Variants in COL4A2 observed in about 807,000 individuals in gnomAD.
COL4A2 encodes collagen type IV alpha 2 chain.
A neutral mutation model predicts 200.2 loss-of-function variants in COL4A2; 99 were observed. The ratio of observed to expected loss-of-function variants is 0.49; its 90% CI spans 0.42 to 0.58. The LOEUF (loss-of-function observed/expected upper bound fraction) is 0.58. COL4A2 is among the 20% of genes least tolerant of loss of function. The pLI is 0.00. For synonymous variants in COL4A2, 897 were observed against 900.6 expected (o/e 1.00, Z 0.07); for missense variants, 1,950 against 2,314.1 (o/e 0.84, Z 3.23).
chr13:110,350,825 G>A (rs1225844668), intron 3 of COL4A2, among the ~76,000 whole-genome samples: 2 of 152,226 alleles, frequency 1.3e-5, no homozygotes, highest in Admixed American at 6.5e-5. Flanking sequence ...CAGCACACTT[G>A]CCATGGCGGG....
chr13:110,430,376 CTTAAAA>C lies in COL4A2; in HGVS notation c.550-21_550-16del. ...CTAAAGATGGTTAAAAGCTATCACT[CTTAAAA>C]TTATTTCTTCTCCATTAGGGTGAAC... is the stretch of plus-strand genomic sequence containing the variant. On this transcript the variant is annotated intron_variant, in intron 8 of 47. Coordinates refer to ENST00000360467, the MANE Select transcript of COL4A2 (RefSeq NM_001846.4). 2.5e-6 allele frequency: 4 copies of C among 1,606,302 alleles called. No homozygotes were observed. The highest frequency in any genetic ancestry group is 2.5e-6 in the Non-Finnish European group (3 of 1,178,172).
intron 45 of COL4A2, 108 bp downstream of exon 45, chr13:110,504,372 T>C (rs1883768908): frequency 1.1e-6 from 1 of 881,498 alleles, no homozygotes; most frequent in African/African-American, 1.7e-5. Flanking sequence ...AAGCCAGAAA[T>C]GAGGCGCTGC....
intron 20 of COL4A2, among the ~76,000 whole-genome samples, chr13:110,455,078 A>G (rs1348588066): frequency 6.6e-6 from 1 of 151,870 alleles, no homozygotes; most frequent in African/African-American, 2.4e-5. Context: ...TGCCCTTGCT[A>G]TCCACCACCA....
chr13:110,321,217 T>C (rs1401768412), intron 3 of COL4A2, among the ~76,000 whole-genome samples: 1 of 144,024 alleles, frequency 6.9e-6, no homozygotes, highest in Non-Finnish European at 1.5e-5. Flanking sequence ...TGTATATATA[T>C]ATATATATAC....
chr13:110,372,685 T>C (rs184122971), intron 4 of COL4A2, among the ~76,000 whole-genome samples: 3 of 152,374 alleles, frequency 2.0e-5, no homozygotes, highest in African/African-American at 7.2e-5. Context: ...TATCATTCCA[T>C]TGATTTATTT....
intron 4 of COL4A2, among the ~76,000 whole-genome samples, chr13:110,380,735 T>C (rs1878435882): frequency 6.6e-6 from 1 of 150,880 alleles, no homozygotes; most frequent in African/African-American, 2.4e-5. Context: ...GTGCTCTATC[T>C]CATACCCACG....
intron 29 of COL4A2, among the ~76,000 whole-genome samples, chr13:110,475,736 C>T (rs1047519887): frequency 1.3e-5 from 2 of 152,206 alleles, no homozygotes; most frequent in African/African-American, 4.8e-5. Context: ...ACTGGCTGTG[C>T]AGGACGGCCA....
intron 3 of COL4A2, among the ~76,000 whole-genome samples, chr13:110,321,212 A>G (rs1594144107): frequency 7.0e-6 from 1 of 143,352 alleles, no homozygotes; most frequent in South Asian, 2.1e-4. Context: ...CTGTGTGTAT[A>G]TATATATATA....
At chr13:110,454,361 T>C (rs953978408) in intron 20 of COL4A2, among the ~76,000 whole-genome samples, 2 of 152,198 alleles carry the variant, frequency 1.3e-5, no homozygotes, top group Non-Finnish European at 1.5e-5. Flanking sequence ...TTGCAAAGCA[T>C]CCAGTGCTTC....
intron 4 of COL4A2, among the ~76,000 whole-genome samples, chr13:110,407,624 G>A (rs1879621928): frequency 6.6e-6 from 1 of 152,218 alleles, no homozygotes; most frequent in South Asian, 2.1e-4. Context: ...GATGCATGAG[G>A]GTGCAGTGGG....
At chr13:110,489,550 C>G (rs1268833578) in intron 35 of COL4A2, 42 bp downstream of exon 35, 62 of 1,609,882 alleles carry the variant, frequency 3.9e-5, no homozygotes, top group Non-Finnish European at 5.1e-5. Flanking sequence ...GTCCACAATT[C>G]AGAGCTCTCT....
In COL4A2 at chr13:110,308,042, G is replaced by T. The variant is rs757684961; in HGVS notation, c.45-27G>T. The T allele has an allele frequency of 2.5e-6, 4 of 1,613,126 alleles. No homozygotes were observed. The African/African-American group carries it at 5.3e-5, about 22-fold the overall frequency. On this transcript the variant is annotated intron_variant, in intron 2 of 47. Transcript: ENST00000360467. The stretch of plus-strand genomic sequence containing the variant: ...TGACAAGCCGGGCCCGCACGTTCAC[G>T]TCTCTCTTCCTCCCTTTCCCATGCA...
chr13:110,399,394 A>G (rs1349937157), intron 4 of COL4A2, among the ~76,000 whole-genome samples: 2 of 152,234 alleles, frequency 1.3e-5, no homozygotes, highest in African/African-American at 2.4e-5. Context: ...CATGTGGGGC[A>G]TAAGTGAGCT....
At chr13:110,341,439 C>G (rs1836504930) in intron 3 of COL4A2, among the ~76,000 whole-genome samples, 1 of 152,198 alleles carries the variant, frequency 6.6e-6, no homozygotes, top group Non-Finnish European at 1.5e-5. Context: ...ATTTACTGTT[C>G]AGGGCTGTTG....
At position 110,307,328 on chromosome 13, in the gene COL4A2, C is replaced by A; in HGVS notation, c.-245C>A. The A allele has an allele frequency of 3.1e-6, 1 of 320,840 alleles. No homozygotes were observed. 19.9% of individuals were successfully genotyped at this position (320,840 alleles called of 1,614,324 possible). On this transcript the variant is annotated 5_prime_UTR_variant, in exon 1 of 48. Coordinates refer to ENST00000360467, the MANE Select transcript of COL4A2 (RefSeq NM_001846.4). This position sits in a 1 kb window ranked among gnomAD's most constrained non-coding sequence, Gnocchi z 5.0. The stretch of plus-strand genomic sequence containing the variant: ...CGGGACACCAGGGCTCCGCGCTCCG[C>A]ACTCAAGAGGCTCCCGCGTCCCAAC...
rs945035525 is a variant in COL4A2, at chr13:110,415,039, C to T, written c.181-9695C>T. Among the ~76,000 whole-genome samples, 2 of 152,168 alleles carry T rather than the reference C, an allele frequency of 1.3e-5. 1 individual carries two copies. Among genetic ancestry groups the T allele is most frequent in the African/African-American group, 4.8e-5 (2 of 41,422 alleles). On this transcript the variant is annotated intron_variant, in intron 4 of 47. Coordinates refer to ENST00000360467, the MANE Select transcript of COL4A2 (RefSeq NM_001846.4). ...GAGCCAGGCTCAAGACTCCACACTG[C>T]GTGGTTCTATTTCTGTGAGTGTCTA...
At position 110,424,757 on chromosome 13, in the gene COL4A2, C is replaced by G. The variant is rs1042770282; in HGVS notation, c.204C>G (p.Pro68=). The G allele has an allele frequency of 6.2e-7, 1 of 1,610,834 alleles. No homozygotes were observed. Among genetic ancestry groups the G allele is most frequent in the African/African-American group, 1.3e-5 (1 of 74,840 alleles). The change falls in exon 5 of 48, where the codon CCC becomes CCG. Residue 68 remains proline (P), a synonymous_variant. Coordinates refer to ENST00000360467, the MANE Select transcript of COL4A2 (RefSeq NM_001846.4). The part of the protein sequence containing the change: ...GGRGQPGPVG[P]QGYNGPPGLQ... ...AGGGTCAGCCTGGGCCAGTGGGCCC[C>G]CAGGGGTACAATGGGCCACCAGGAT... is the stretch of plus-strand genomic sequence containing the variant.
intron 47 of COL4A2, among the ~76,000 whole-genome samples, chr13:110,510,046 A>T (rs1275862293): frequency 6.6e-6 from 1 of 152,214 alleles, no homozygotes; most frequent in Non-Finnish European, 1.5e-5. Flanking sequence ...GGTGACAAGC[A>T]TATGGTACCA....
chr13:110,468,178 A>C, intron 27 of COL4A2: 2 of 471,278 alleles, frequency 4.2e-6, no homozygotes, highest in Non-Finnish European at 8.8e-6. Flanking sequence ...GGGTCTTCGG[A>C]GTGCACCGTG....
Sources: allele counts gnomAD v4.1 joint callset (sites outside exome capture counted in the v4.1 genomes callset), GRCh38; gene constraint gnomAD v4.1.1; non-coding constraint Gnocchi (gnomAD v3.1); transcripts MANE v1.5; gene names NCBI Gene and HGNC (gene_info 2026-07-23, HGNC 2026-07-21).